ACOT12: variants seen among roughly 807,000 people sequenced by gnomAD.
ACOT12 encodes acyl-CoA thioesterase 12, also known as acetyl-coenzyme A thioesterase.
ACOT12 carries 51 observed loss-of-function variants against 67.7 expected under a neutral mutation model. The ratio of observed to expected loss-of-function variants is 0.75; its 90% CI spans 0.60 to 0.95. The LOEUF (loss-of-function observed/expected upper bound fraction) is 0.95, where lower values mean the gene tolerates loss of function less well. Among genes scored for constraint, ACOT12 ranks in the 40% least tolerant of loss-of-function variants. The pLI, the probability that ACOT12 is intolerant of heterozygous loss-of-function variation, is 0.00. For missense variants in ACOT12, 734 were observed against 708.1 expected (o/e 1.04, Z -0.41); for synonymous variants, 251 against 244.6 (o/e 1.03, Z -0.24).
At chr5:81,385,730 AAGG>A in intron 2 of ACOT12, 24 bp downstream of exon 2, 2 of 1,611,782 alleles carry the variant, frequency 1.2e-6, no homozygotes, top group Non-Finnish European at 1.7e-6. Context: ...ACCCAGGAGA[AAGG>A]AGCCATGGAG....
At chr5:81,342,138 C>T (rs2153847654) in intron 11 of ACOT12, among the ~76,000 whole-genome samples, 1 of 152,256 alleles carries the variant, frequency 6.6e-6, no homozygotes. Context: ...CTACAAGTGT[C>T]TGCTACCACA....
intron 2 of ACOT12, among the ~76,000 whole-genome samples, chr5:81,374,005 C>A (rs1760335021): frequency 6.6e-6 from 1 of 152,192 alleles, no homozygotes; most frequent in South Asian, 2.1e-4. Context: ...TACACTGCCT[C>A]CTGAAGTGGG....
chr5:81,342,634 T>C, intron 11 of ACOT12, 38 bp downstream of exon 11: 1 of 1,603,182 alleles, frequency 6.2e-7, no homozygotes. Context: ...TCGTTTGTGA[T>C]GGGCGATGGA....
chr5:81,392,354 G>A (rs1413571224), intron 1 of ACOT12, among the ~76,000 whole-genome samples: 1 of 152,140 alleles, frequency 6.6e-6, no homozygotes. Flanking sequence ...TTTAACACAG[G>A]CGTTATTCAT....
chr5:81,349,371 T>C (rs1298374140), intron 5 of ACOT12, among the ~76,000 whole-genome samples: 1 of 152,238 alleles, frequency 6.6e-6, no homozygotes, highest in Non-Finnish European at 1.5e-5. Flanking sequence ...ATTCCTGGTC[T>C]GGCCTCACTC....
At position 81,347,881 on chromosome 5, in the gene ACOT12, G is replaced by C. The variant is rs775132119; in HGVS notation, c.546C>G (p.Ser182=). ...EEGAVSTRGT[S]VQSIELVLPP... ...GGAGGACCAGTTCAATGCTCTGAAC[G>C]GAGGTGCCCCTTGTGGAAACCGCTC... Residue 182 remains serine (S), a synonymous_variant, in exon 6 of 15, where the codon TCC becomes TCG. Coordinates refer to ENST00000307624, the MANE Select transcript of ACOT12 (RefSeq NM_130767.3). The C allele has an allele frequency of 1.4e-5, 22 of 1,613,966 alleles. No individual in the cohort carries two copies. The highest frequency in any genetic ancestry group is 8.3e-5 in the Admixed American group (5 of 59,992).
intron 2 of ACOT12, among the ~76,000 whole-genome samples, chr5:81,379,476 C>A (rs1008948941): frequency 2.0e-5 from 3 of 151,112 alleles, no homozygotes; most frequent in Non-Finnish European, 3.0e-5. Flanking sequence ...ACTTAAAGTA[C>A]AATAATAATA....
chr5:81,362,832 A>T (rs1329632567), intron 4 of ACOT12, among the ~76,000 whole-genome samples: 1 of 152,236 alleles, frequency 6.6e-6, no homozygotes, highest in African/African-American at 2.4e-5. Context: ...CATTTTAAAA[A>T]ATAGAATTAG....
intron 13 of ACOT12, 48 bp downstream of exon 13, chr5:81,332,429 T>C (rs1440034661): frequency 6.2e-7 from 1 of 1,600,062 alleles, no homozygotes; most frequent in African/African-American, 1.3e-5. Flanking sequence ...TTAATTTCTA[T>C]CCTATACTAT....
intron 5 of ACOT12, among the ~76,000 whole-genome samples, chr5:81,356,520 C>T (rs1253120313): frequency 6.6e-6 from 1 of 152,134 alleles, no homozygotes; most frequent in East Asian, 1.9e-4. Context: ...GCAGTTGTCT[C>T]TCAGATGAAA....
chr5:81,382,802 CAA>C (rs34443861), intron 2 of ACOT12, among the ~76,000 whole-genome samples: 6 of 119,650 alleles, frequency 5.0e-5, no homozygotes, highest in Admixed American at 8.7e-5. Context: ...AACTCTGTCT[CAA>C]AAAAAAAAAA....
chr5:81,368,892 C>T (rs564570834), intron 3 of ACOT12, among the ~76,000 whole-genome samples: 40 of 150,338 alleles, frequency 2.7e-4, no homozygotes, highest in Middle Eastern at 3.4e-3. Flanking sequence ...ATACAAAATA[C>T]AGTAAAGGGC....
intron 2 of ACOT12, among the ~76,000 whole-genome samples, chr5:81,385,414 C>A (rs949667441): frequency 6.6e-6 from 1 of 152,108 alleles, no homozygotes; most frequent in Admixed American, 6.6e-5. Context: ...TTGCAGTGAG[C>A]CAAGATCACA....
Position 81,385,809 on chromosome 5 carries a change from C to T in ACOT12, c.145G>A (p.Val49Ile). Residue 49 changes from valine (V) to isoleucine (I), a missense_variant, in exon 2 of 15, where the codon GTT (valine) becomes ATT (isoleucine). Physicochemically the swap from Val to Ile is conservative, Grantham distance 29. Transcript: ENST00000307624. Reference sequence around the variant, plus strand: ...TCCACTGAGGCTGTAACGCAGGAAACTCCAGCATGTTTCTCAGCTTCAAAA... The same window carrying T: ...TCCACTGAGGCTGTAACGCAGGAAATTCCAGCATGTTTCTCAGCTTCAAAA... The part of the protein sequence containing the change: ...ACLAAEKHAG[V>I]SCVTASVDDI... 1 of 1,614,032 alleles carries T rather than the reference C, an allele frequency of 6.2e-7. No individual in the cohort carries two copies. Among genetic ancestry groups the T allele is most frequent in the East Asian group, 2.2e-5 (1 of 44,864 alleles).
At chr5:81,358,009 A>C (rs1213338512) in intron 5 of ACOT12, among the ~76,000 whole-genome samples, 1 of 90,622 alleles carries the variant, frequency 1.1e-5, no homozygotes, top group Admixed American at 9.5e-5. Context: ...CCATCTCACA[A>C]AAAAAAAAAA....
At chr5:81,362,636 T>G (rs1480903771) in intron 4 of ACOT12, among the ~76,000 whole-genome samples, 2 of 152,062 alleles carry the variant, frequency 1.3e-5, no homozygotes, top group African/African-American at 2.4e-5. Context: ...TCCCCTATTC[T>G]CTCACTTCCA....
intron 5 of ACOT12, among the ~76,000 whole-genome samples, chr5:81,351,183 A>C (rs766703924): frequency 1.3e-5 from 2 of 152,242 alleles, no homozygotes; most frequent in African/African-American, 4.8e-5. Context: ...GAAATACACA[A>C]TCTTAATCCC....
intron 5 of ACOT12, among the ~76,000 whole-genome samples, chr5:81,351,142 A>G (rs1312839094): frequency 6.6e-6 from 1 of 152,244 alleles, no homozygotes; most frequent in African/African-American, 2.4e-5. Flanking sequence ...TAGAATCAAA[A>G]TGGAATCACT....
intron 1 of ACOT12, among the ~76,000 whole-genome samples, chr5:81,386,561 G>T (rs1404232729): frequency 6.6e-6 from 1 of 152,060 alleles, no homozygotes; most frequent in Non-Finnish European, 1.5e-5. Flanking sequence ...ACTCTGTGGG[G>T]AAGATTTTGA....
Sources: allele counts gnomAD v4.1 joint callset (sites outside exome capture counted in the v4.1 genomes callset), GRCh38; gene constraint gnomAD v4.1.1; transcripts MANE v1.5; gene names NCBI Gene and HGNC (gene_info 2026-07-23, HGNC 2026-07-21).